Variants in LAMA5 observed in about 807,000 individuals in gnomAD.
LAMA5 encodes laminin subunit alpha 5.
A neutral mutation model predicts 433.4 loss-of-function variants in LAMA5; 260 were observed. That is an observed-to-expected ratio of 0.60 (90% CI 0.54 to 0.66). The LOEUF is 0.66. LAMA5 is among the 30% of genes least tolerant of loss of function. The pLI, the probability that LAMA5 is intolerant of heterozygous loss-of-function variation, is 0.00. For synonymous variants in LAMA5, 2,620 were observed against 2,226.6 expected (o/e 1.18, Z -4.97); for missense variants, 5,378 against 5,258.5 (o/e 1.02, Z -0.70).
At position 62,346,716 on chromosome 20, in the gene LAMA5, G is replaced by A. The variant is rs1335299265; in HGVS notation, c.1157C>T (p.Thr386Ile). 2 of 1,613,292 alleles carry A rather than the reference G, an allele frequency of 1.2e-6. No individual in the cohort carries two copies. The highest frequency in any genetic ancestry group is 1.7e-6 in the Non-Finnish European group (2 of 1,179,912). ...RRRASQSLDGTYQGGGVCIDC... is the reference protein window; with the variant it reads ...RRRASQSLDGIYQGGGVCIDC... The stretch of plus-strand genomic sequence containing the variant: ...GATACAGACACCCCCACCCTGATAG[G>A]TGCCATCCAGGCTCTGGCTGGCGCG... The change falls in exon 8 of 80, where the codon ACC becomes ATC. Residue 386 changes from threonine to isoleucine, a missense_variant. Coordinates refer to ENST00000252999, the MANE Select transcript of LAMA5 (RefSeq NM_005560.6).
intron 2 of LAMA5, among the ~76,000 whole-genome samples, chr20:62,361,921 G>A (rs767989252): frequency 1.3e-5 from 2 of 152,198 alleles, no homozygotes; most frequent in Non-Finnish European, 2.9e-5. Context: ...CTGGAGAGCA[G>A]GCACCCGACC....
Position 62,367,143 on chromosome 20 carries a change from C to T in LAMA5, c.103G>A (p.Ala35Thr). 7.9e-7 allele frequency: 1 copy of T among 1,269,038 alleles called. No homozygotes were observed. The highest frequency in any genetic ancestry group is 9.9e-7 in the Non-Finnish European group (1 of 1,010,536). The allele number at this position is 1,269,038 out of a possible 1,614,324, so 78.6% of individuals were successfully genotyped here. A position where few individuals can be genotyped will look rare whatever the true frequency, so the allele number is the denominator to read the frequency against. The change falls in exon 1 of 80, where the codon GCG (alanine) becomes ACG (threonine). Residue 35 changes from alanine (A) to threonine (T), a missense_variant. Coordinates refer to ENST00000252999, the MANE Select transcript of LAMA5 (RefSeq NM_005560.6). ...AAGCCGCCGCCCGCCTCCTCCCGCG[C>T]CCGCGCCGCGCCCAGCAGCGCCAGC... ...VGLALLGAAR[A>T]REEAGGGFSL...
intron 34 of LAMA5, 100 bp from the exon 35 acceptor site, chr20:62,328,545 C>A: frequency 7.9e-7 from 1 of 1,264,284 alleles, no homozygotes. Flanking sequence ...GTGACGGGGG[C>A]GGGGGAGACA....
rs760566687 is a variant in LAMA5, at chr20:62,315,980, T to A, written c.7835A>T (p.Gln2612Leu). 1 of 1,607,644 alleles carries A rather than the reference T, an allele frequency of 6.2e-7. No homozygotes were observed. ...AKKDQLEAHI[Q>L]AAQAMLAMDT... is the part of the protein sequence containing the mutation. ...CATGGCAAGCATGGCCTGCGCCGCCTGGATGTGCGCCTCCAGCTGGTCCTT... is the reference window on the plus strand; with the variant it reads ...CATGGCAAGCATGGCCTGCGCCGCCAGGATGTGCGCCTCCAGCTGGTCCTT... The change falls in exon 58 of 80, where the codon CAG (glutamine) becomes CTG (leucine). Residue 2612 changes from glutamine to leucine, a missense_variant. Physicochemically the swap from Gln to Leu is moderately radical, Grantham distance 113. Transcript: ENST00000252999.
chr20:62,330,869 C>A lies in LAMA5; in HGVS notation c.3726G>T (p.Leu1242=). The change falls in exon 30 of 80, where the codon CTG becomes CTT. Residue 1242 remains leucine (L), a synonymous_variant. Transcript: ENST00000252999. The part of the protein sequence containing the change: ...IILRDCQVIP[L]PPGLPLTHAQ... Reference sequence around the variant, plus strand: ...CGTGGGTCAGCGGGAGGCCGGGCGGCAGCGGGATCACCTGGCAGTCCCTGA... The same window carrying A: ...CGTGGGTCAGCGGGAGGCCGGGCGGAAGCGGGATCACCTGGCAGTCCCTGA... 1 of 1,541,124 alleles carries A rather than the reference C, an allele frequency of 6.5e-7. No individual in the cohort carries two copies. The highest frequency in any genetic ancestry group is 8.7e-7 in the Non-Finnish European group (1 of 1,143,666).
chr20:62,325,389 G>A lies in LAMA5; in HGVS notation c.5456C>T (p.Ala1819Val). 6.2e-7 allele frequency: 1 copy of A among 1,611,548 alleles called. No individual in the cohort carries two copies. The highest frequency in any genetic ancestry group is 8.5e-7 in the Non-Finnish European group (1 of 1,179,232). Reference sequence around the variant, plus strand: ...ATTGCTGGCCAGGGCCCCCTGGCCTGCTGGGCTGGCCACCTCCAGTGCCAC... The same window carrying A: ...ATTGCTGGCCAGGGCCCCCTGGCCTACTGGGCTGGCCACCTCCAGTGCCAC... ...RRVALEVASP[A>V]GQGALASNVE... Residue 1819 changes from alanine to valine, a missense_variant, in exon 41 of 80, where the codon GCA (alanine) becomes GTA (valine). Coordinates refer to ENST00000252999, the MANE Select transcript of LAMA5 (RefSeq NM_005560.6).
intron 11 of LAMA5, among the ~76,000 whole-genome samples, chr20:62,341,310 A>T (rs538990571): frequency 3.3e-5 from 5 of 152,324 alleles, no homozygotes; most frequent in African/African-American, 1.2e-4. Context: ...CACAGCAATG[A>T]GGACACCCCA....
chr20:62,346,040 A>G (rs1983307243), intron 10 of LAMA5, 41 bp downstream of exon 10: 6 of 1,610,084 alleles, frequency 3.7e-6, no homozygotes, highest in Non-Finnish European at 5.1e-6. Context: ...GGAGTCCAGC[A>G]GGCAGTGGTG....
Position 62,324,932 on chromosome 20 carries a change from T to C in LAMA5, c.5530-378A>G, listed in dbSNP as rs1978987526. 2.6e-6 allele frequency: 1 copy of C among 377,908 alleles called. No homozygotes were observed. The highest frequency in any genetic ancestry group is 2.0e-5 in the African/African-American group (1 of 49,136). The allele number at this position is 377,908 out of a possible 1,614,324, so 23.4% of individuals were successfully genotyped here. On this transcript the variant is annotated intron_variant, in intron 41 of 79. Transcript: ENST00000252999. The surrounding 1 kb of genome is among the most constrained non-coding windows in gnomAD (Gnocchi z 4.4). ...GCAAAGTTACAGCAGACAGACAGAT[T>C]AGCAGGGCAGATTAGCAGCTGGACA...
At chr20:62,336,196 C>G (rs1981595051) in intron 18 of LAMA5, 144 bp downstream of exon 18, 1 of 607,008 alleles carries the variant, frequency 1.6e-6, no homozygotes, top group Non-Finnish European at 2.9e-6. Context: ...CCGAGGAACC[C>G]CATATCCCAC....
chr20:62,364,961 C>T (rs1427024045), intron 1 of LAMA5, among the ~76,000 whole-genome samples: 1 of 152,272 alleles, frequency 6.6e-6, no homozygotes, highest in African/African-American at 2.4e-5. Context: ...AACCGCAGCT[C>T]CACTCCAGAC....
At chr20:62,333,764 C>G (rs1034486053) in intron 23 of LAMA5, 58 bp from the exon 24 acceptor site, 1 of 1,505,786 alleles carries the variant, frequency 6.6e-7, no homozygotes, top group Non-Finnish European at 8.9e-7. Flanking sequence ...CCCCAGGCTG[C>G]ACCCCCTACA....
In LAMA5 at chr20:62,327,399, T is replaced by C; in HGVS notation, c.4946A>G (p.Asp1649Gly). 6.3e-7 allele frequency: 1 copy of C among 1,588,068 alleles called. No individual in the cohort carries two copies. The highest frequency in any genetic ancestry group is 8.6e-7 in the Non-Finnish European group (1 of 1,166,310). Residue 1649 changes from aspartate to glycine, a missense_variant, in exon 38 of 80, where the codon GAT becomes GGT. Coordinates refer to ENST00000252999, the MANE Select transcript of LAMA5 (RefSeq NM_005560.6). ...GCTCAGCAGCACCCATCCCTCCATA[T>C]CCACGAACTGTGGGCACACACGTGT... ...SSSYTRQEFV[D>G]MEGWVLLSTD...
At position 62,309,148 on chromosome 20, in the gene LAMA5, G is replaced by A. The variant is rs1985766777; in HGVS notation, c.*188C>T. The A allele has an allele frequency of 3.1e-6, 2 of 649,150 alleles. No individual in the cohort carries two copies. The highest frequency in any genetic ancestry group is 3.4e-5 in the Admixed American group (1 of 29,060). The allele number at this position is 649,150 out of a possible 1,614,324, so 40.2% of individuals were successfully genotyped here. ...CTCTCACAATTAAAAATGGGTGGAA[G>A]GGCCAAATATAAAAACATTTTGCAG... On this transcript the variant is annotated 3_prime_UTR_variant, in exon 80 of 80. Transcript: ENST00000252999.
rs750593367 is a variant in LAMA5, at chr20:62,328,384, G to C, written c.4509C>G (p.Arg1503=). Residue 1503 remains arginine (R), a synonymous_variant, in exon 35 of 80, where the codon CGC becomes CGG. Transcript: ENST00000252999. ...ELTGQCICPP[R]TIPPDCLLCQ... ...ACAGCAGGCAGTCGGGCGGGATGGT[G>C]CGTGGCGGGCAGATGCACTGGCCCG... 8 of 1,563,332 alleles carry C rather than the reference G, an allele frequency of 5.1e-6. No individual in the cohort carries two copies. Among genetic ancestry groups the C allele is most frequent in the Non-Finnish European group, 6.9e-6 (8 of 1,153,970 alleles).
In LAMA5 at chr20:62,362,317, C is replaced by A. The variant is rs1839356736; in HGVS notation, c.450+83G>T. On this transcript the variant is annotated intron_variant, in intron 2 of 79. Transcript: ENST00000252999. ...GGTCTCGCTCACGGTGGAGACCTCG[C>A]CTTCTGGTCCTGTGGCCCAAGGTAG... 9.1e-6 allele frequency: 12 copies of A among 1,312,284 alleles called. No individual in the cohort carries two copies. The South Asian group carries it at 2.1e-4, about 23-fold the overall frequency. The allele number at this position is 1,312,284 out of a possible 1,614,324, so 81.3% of individuals were successfully genotyped here. A position where few individuals can be genotyped will look rare whatever the true frequency, so the allele number is the denominator to read the frequency against.
At position 62,322,740 on chromosome 20, in the gene LAMA5, C is replaced by A; in HGVS notation, c.6083G>T (p.Cys2028Phe). The A allele has an allele frequency of 6.6e-7, 1 of 1,520,278 alleles. No individual in the cohort carries two copies. Among genetic ancestry groups the A allele is most frequent in the Non-Finnish European group, 8.8e-7 (1 of 1,135,390 alleles). 94.2% of individuals were successfully genotyped at this position (1,520,278 alleles called of 1,614,324 possible). ...GTGGGGGTCGCAGGCCTCTGTCCCACATGGGGTACAGTCGCACCCTGCAGA... is the reference window on the plus strand; with the variant it reads ...GTGGGGGTCGCAGGCCTCTGTCCCAAATGGGGTACAGTCGCACCCTGCAGA... ...GNCTRCDCTP[C>F]GTEACDPHSG... The change falls in exon 46 of 80, where the codon TGT becomes TTT. Residue 2028 changes from cysteine (C) to phenylalanine (F), a missense_variant. By Grantham distance (205) the Cys-to-Phe change is radical (BLOSUM62 -2). Transcript: ENST00000252999.
At chr20:62,358,365 G>A (rs1207875953) in intron 2 of LAMA5, among the ~76,000 whole-genome samples, 3 of 152,204 alleles carry the variant, frequency 2.0e-5, no homozygotes, top group African/African-American at 7.2e-5. Context: ...GCTGCGTCTG[G>A]TTCAGCCCGT....
intron 2 of LAMA5, 36 bp from the exon 3 acceptor site, chr20:62,353,287 G>T: frequency 1.7e-5 from 24 of 1,445,260 alleles, no homozygotes; most frequent in Non-Finnish European, 2.2e-5. Context: ...AGCCAGGGGC[G>T]CCTGGATTCC....
Sources: gnomAD v4.1 joint callset for allele counts (sites outside exome capture counted in the v4.1 genomes callset) on GRCh38, gnomAD v4.1.1 for gene constraint, Gnocchi (gnomAD v3.1) non-coding constraint, MANE v1.5 for transcripts, NCBI Gene and HGNC (gene_info 2026-07-23, HGNC 2026-07-21) for gene names.